The following MROH1 variants were observed in gnomAD, a reference collection of about 807,000 sequenced individuals.
MROH1 encodes the protein maestro heat like repeat family member 1.
In MROH1, 117 loss-of-function variants were observed where a neutral mutation model predicts 116.5. That is an observed-to-expected ratio of 1.00 (90% CI 0.86 to 1.17). MROH1 has a LOEUF of 1.17. MROH1 is among the 50% of genes most tolerant of loss of function. The probability of loss-of-function intolerance (pLI) is 0.00; values close to 1 mark genes in which losing one functional copy is unlikely to be tolerated. For synonymous variants in MROH1, 921 were observed against 583.9 expected (o/e 1.58, Z -8.32); for missense variants, 1,873 against 1,338.5 (o/e 1.40, Z -6.23).
Position 144,212,141 on chromosome 8 carries a change from C to T in MROH1, c.1142-8459C>T, listed in dbSNP as rs149227127. 2.3e-3 allele frequency among the ~76,000 whole-genome samples: 357 copies of T among 151,942 alleles called. 2 individuals carry two copies. Among genetic ancestry groups the T allele is most frequent in the African/African-American group, 8.3e-3 (346 of 41,450 alleles). On this transcript the variant is annotated intron_variant, in intron 12 of 43. Transcript: ENST00000326134. ...CTCTGTCGCCCAGGGTGGAGTGTAG[C>T]GGCTCAAACACGGCTCACTGCAACC... is the stretch of plus-strand genomic sequence containing the variant.
chr8:144,248,747 G>A (rs1007823100), intron 31 of MROH1, 130 bp from the exon 32 acceptor site: 9 of 696,108 alleles, frequency 1.3e-5, no homozygotes, highest in African/African-American at 5.3e-5. Flanking sequence ...AGGGCCCAGC[G>A]GCTGGGGCCC....
chr8:144,261,344 T>C lies in MROH1; in HGVS notation c.4835T>C (p.Ile1612Thr). 7.1e-6 allele frequency: 5 copies of C among 706,872 alleles called. No individual in the cohort carries two copies. The highest frequency in any genetic ancestry group is 4.4e-5 in the South Asian group (3 of 67,828). The allele number at this position is 706,872 out of a possible 1,614,324, so 43.8% of individuals were successfully genotyped here. Residue 1612 changes from isoleucine (I) to threonine (T), a missense_variant, in exon 43 of 44, where the codon ATT becomes ACT. Ile to Thr is a moderately conservative substitution (Grantham distance 89). Coordinates refer to ENST00000326134, the MANE Select transcript of MROH1 (RefSeq NM_032450.3). The part of the protein sequence containing the change: ...QQPQVDLDQL[I>T]AALQILLKDP... ...CCGCAGGTGGACCTGGACCAGCTCA[T>C]TGCGGGTGAGCACCCCTCCACGGGG...
intron 35 of MROH1, among the ~76,000 whole-genome samples, chr8:144,258,013 C>T (rs1213133492): frequency 6.6e-6 from 1 of 152,226 alleles, no homozygotes; most frequent in African/African-American, 2.4e-5. Flanking sequence ...ACACACTACG[C>T]CCCACCCACT....
chr8:144,167,583 G>A (rs916288343), intron 3 of MROH1, among the ~76,000 whole-genome samples: 1 of 151,712 alleles, frequency 6.6e-6, no homozygotes. Flanking sequence ...GGGGTGGAGT[G>A]GCTGGTTGTC....
chr8:144,201,713 C>T (rs111886186), intron 12 of MROH1, among the ~76,000 whole-genome samples: 3,059 of 152,196 alleles, frequency 0.02, 90 homozygotes, highest in African/African-American at 0.068. Context: ...ATAGAAGCAG[C>T]GTGACAAAGC....
chr8:144,155,265 C>G (rs1817761595), intron 1 of MROH1, among the ~76,000 whole-genome samples: 1 of 151,956 alleles, frequency 6.6e-6, no homozygotes, highest in South Asian at 2.1e-4. Flanking sequence ...AATACTGCGT[C>G]TTTATGTTTG....
chr8:144,158,064 C>T (rs887253957), intron 1 of MROH1, among the ~76,000 whole-genome samples: 14,850 of 144,682 alleles, frequency 0.1, 2,562 homozygotes, highest in African/African-American at 0.36. Context: ...GCTATCTTGG[C>T]TCACTGCAAA....
In MROH1 at chr8:144,163,878, G is replaced by A; in HGVS notation, c.22+30G>A. 6.2e-7 allele frequency: 1 copy of A among 1,612,986 alleles called. No homozygotes were observed. The highest frequency in any genetic ancestry group is 1.1e-5 in the South Asian group (1 of 91,024). On this transcript the variant is annotated intron_variant, in intron 3 of 43. Transcript: ENST00000326134. This position sits in a 1 kb window ranked among gnomAD's most constrained non-coding sequence, Gnocchi z 4.4. ...GTGCATGGGGATTGGGAGTGGCCGGGTGTGAGGCCTCTCTTGCCTCTGGGT... is the reference window on the plus strand; with the variant it reads ...GTGCATGGGGATTGGGAGTGGCCGGATGTGAGGCCTCTCTTGCCTCTGGGT...
Position 144,258,853 on chromosome 8 carries a change from G to A in MROH1, c.3868G>A (p.Gly1290Arg), listed in dbSNP as rs1844424455. 5 of 769,774 alleles carry A rather than the reference G, an allele frequency of 6.5e-6. No homozygotes were observed. The highest frequency in any genetic ancestry group is 1.2e-5 in the Non-Finnish European group (5 of 414,710). 47.7% of individuals were successfully genotyped at this position (769,774 alleles called of 1,614,324 possible). A position where few individuals can be genotyped will look rare whatever the true frequency, so the allele number is the denominator to read the frequency against. Residue 1290 changes from glycine (G) to arginine (R), a missense_variant, in exon 36 of 44, where the codon GGA becomes AGA. By Grantham distance (125) the Gly-to-Arg change is moderately radical (BLOSUM62 -2). Coordinates refer to ENST00000326134, the MANE Select transcript of MROH1 (RefSeq NM_032450.3). ...TGTGGTACAGCGCATGGACCTGGAGGGAGGCTGGGAACTGCTCAGGACCTC... is the reference window on the plus strand; with the variant it reads ...TGTGGTACAGCGCATGGACCTGGAGAGAGGCTGGGAACTGCTCAGGACCTC... ...EDVVQRMDLEGGWELLRTSAG... is the reference protein window; with the variant it reads ...EDVVQRMDLERGWELLRTSAG...
intron 4 of MROH1, among the ~76,000 whole-genome samples, chr8:144,170,023 G>T (rs1160794745): frequency 6.6e-6 from 1 of 152,130 alleles, no homozygotes; most frequent in Non-Finnish European, 1.5e-5. Context: ...AGTAGAGATG[G>T]GGTTTCACCA....
intron 33 of MROH1, 193 bp downstream of exon 33, chr8:144,250,559 C>A: frequency 1.5e-6 from 1 of 655,970 alleles, no homozygotes. Flanking sequence ...GACCTCTCCT[C>A]TCCAGGCGTT....
intron 14 of MROH1, among the ~76,000 whole-genome samples, chr8:144,237,687 C>G (rs1463951806): frequency 6.6e-6 from 1 of 152,128 alleles, no homozygotes; most frequent in Non-Finnish European, 1.5e-5. Flanking sequence ...TTACATTATT[C>G]GTTTCCTGAA....
At chr8:144,242,111 C>T (rs1340889079) in intron 22 of MROH1, 1 of 583,376 alleles carries the variant, frequency 1.7e-6, no homozygotes, top group Admixed American at 2.9e-5. Flanking sequence ...CCCTCTGCTA[C>T]CTCGGCCCTT....
intron 37 of MROH1, 24 bp downstream of exon 37, chr8:144,259,378 C>A: frequency 1.4e-6 from 1 of 714,726 alleles, no homozygotes; most frequent in Non-Finnish European, 2.6e-6. Context: ...GGGACGGATG[C>A]TGGGCACCAA....
chr8:144,237,716 G>A (rs947928612), intron 14 of MROH1, among the ~76,000 whole-genome samples: 90 of 152,106 alleles, frequency 5.9e-4, no homozygotes, highest in Non-Finnish European at 1.2e-3. Context: ...TTTATTTCAC[G>A]GTTATACTTT....
chr8:144,225,544 A>AT (rs1327449289), intron 14 of MROH1, among the ~76,000 whole-genome samples: 2 of 151,480 alleles, frequency 1.3e-5, no homozygotes, highest in African/African-American at 2.4e-5. Context: ...AGAAGTTTTA[A>AT]TTTTTTTTTA....
At chr8:144,181,759 C>T (rs1165076023) in intron 7 of MROH1, among the ~76,000 whole-genome samples, 6 of 152,076 alleles carry the variant, frequency 3.9e-5, no homozygotes, top group Admixed American at 3.3e-4. Flanking sequence ...GGGCGCAGGA[C>T]GTGCCATCCA....
intron 24 of MROH1, among the ~76,000 whole-genome samples, chr8:144,243,218 C>T (rs1203746119): frequency 2.6e-5 from 4 of 152,240 alleles, no homozygotes; most frequent in African/African-American, 9.6e-5. Context: ...CTTCAGCACT[C>T]CCCGGAGGAC....
chr8:144,209,671 T>C (rs1283433732), intron 12 of MROH1, among the ~76,000 whole-genome samples: 1 of 149,912 alleles, frequency 6.7e-6, no homozygotes, highest in Non-Finnish European at 1.5e-5. Context: ...CACTTTGGGA[T>C]CCCGTAGCAA....
Sources: gnomAD v4.1 joint callset for allele counts (sites outside exome capture counted in the v4.1 genomes callset) on GRCh38, gnomAD v4.1.1 for gene constraint, Gnocchi (gnomAD v3.1) non-coding constraint, MANE v1.5 for transcripts, NCBI Gene and HGNC (gene_info 2026-07-23, HGNC 2026-07-21) for gene names.